The following L3MBTL4 variants were observed in gnomAD, a reference collection of about 807,000 sequenced individuals.
L3MBTL4 encodes lethal(3)malignant brain tumor-like protein 4.
Under a neutral mutation model 84.5 loss-of-function variants are expected in L3MBTL4, and 70 were observed. The observed-to-expected ratio is 0.83, with a 90% CI of 0.68 to 1.01. The LOEUF (loss-of-function observed/expected upper bound fraction) is 1.01. Ranked by LOEUF, L3MBTL4 falls within the 50% of genes least tolerant of loss-of-function variation. The pLI is 0.00. For missense variants in L3MBTL4, 715 were observed against 754.8 expected (o/e 0.95, Z 0.62); for synonymous variants, 274 against 259.8 (o/e 1.05, Z -0.52).
chr18:6,327,206 C>T (rs2051771478), intron 1 of L3MBTL4, among the ~76,000 whole-genome samples: 1 of 152,148 alleles, frequency 6.6e-6, no homozygotes. Flanking sequence ...CTTGATGAAG[C>T]ACTTGGGAAT....
intron 12 of L3MBTL4, among the ~76,000 whole-genome samples, chr18:6,205,814 C>G (rs1295731534): frequency 6.6e-6 from 1 of 152,082 alleles, no homozygotes; most frequent in Non-Finnish European, 1.5e-5. Flanking sequence ...AGGATGTGAG[C>G]AAAAGAGACG....
chr18:6,109,593 T>C (rs557526520), intron 14 of L3MBTL4, among the ~76,000 whole-genome samples: 107 of 152,222 alleles, frequency 7.0e-4, no homozygotes, highest in African/African-American at 2.5e-3. Context: ...AAAATCCTTG[T>C]GAGAATCTGC....
intron 13 of L3MBTL4, among the ~76,000 whole-genome samples, chr18:6,158,614 T>C (rs990605285): frequency 6.6e-6 from 1 of 152,184 alleles, no homozygotes; most frequent in Non-Finnish European, 1.5e-5. Context: ...CATGCTGGCA[T>C]TGGAGTGGGC....
chr18:6,281,060 C>G lies in L3MBTL4; in HGVS notation c.128-17022G>C, dbSNP rs1239932762. On this transcript the variant is annotated intron_variant, in intron 4 of 18. Coordinates refer to ENST00000317931, the MANE Select transcript of L3MBTL4 (RefSeq NM_001330559.2). ...GAGGAAATTAATACAGAATGTACAT[C>G]AGGAATAATCACTGCTGATATTTAG... Among the ~76,000 whole-genome samples, 7 of 152,244 alleles carry G rather than the reference C, an allele frequency of 4.6e-5. No individual in the cohort carries two copies. In the East Asian group the frequency reaches 9.7e-4, roughly 21 times the overall value.
At chr18:6,295,491 T>A (rs966074289) in intron 4 of L3MBTL4, among the ~76,000 whole-genome samples, 3 of 151,782 alleles carry the variant, frequency 2.0e-5, no homozygotes, top group Admixed American at 6.6e-5. Context: ...TTTATAAGCA[T>A]CTTTATTCCC....
intron 16 of L3MBTL4, among the ~76,000 whole-genome samples, chr18:6,036,623 A>T (rs184594783): frequency 6.6e-6 from 1 of 152,106 alleles, no homozygotes; most frequent in East Asian, 1.9e-4. Context: ...ACATTTTCTT[A>T]TTGACTTATT....
chr18:5,999,464 C>T (rs1374312107), intron 16 of L3MBTL4, among the ~76,000 whole-genome samples: 1 of 152,200 alleles, frequency 6.6e-6, no homozygotes, highest in Non-Finnish European at 1.5e-5. Context: ...CCCTACCTTC[C>T]TCAGAGTGTG....
At chr18:6,196,987 A>C (rs534082834) in intron 12 of L3MBTL4, among the ~76,000 whole-genome samples, 3 of 152,380 alleles carry the variant, frequency 2.0e-5, no homozygotes, top group Admixed American at 2.0e-4. Flanking sequence ...AGTTCCATCC[A>C]AAAGGCAAGG....
chr18:6,208,551 AAAT>A (rs2045968689), intron 12 of L3MBTL4, among the ~76,000 whole-genome samples: 2 of 152,226 alleles, frequency 1.3e-5, no homozygotes, highest in Admixed American at 1.3e-4. Flanking sequence ...CCCACAGGGC[AAAT>A]ATTTATCAAA....
chr18:6,152,357 C>T (rs1484010165), intron 13 of L3MBTL4, among the ~76,000 whole-genome samples: 2 of 151,876 alleles, frequency 1.3e-5, no homozygotes, highest in Non-Finnish European at 2.9e-5. Context: ...TAACAGTGTA[C>T]AAGGGTTCTC....
At chr18:6,013,942 C>T (rs749284086) in intron 16 of L3MBTL4, among the ~76,000 whole-genome samples, 1 of 152,162 alleles carries the variant, frequency 6.6e-6, no homozygotes, top group Non-Finnish European at 1.5e-5. Flanking sequence ...AAAGTCACTC[C>T]GTTTTCTCAT....
chr18:6,403,714 ACTACCATTTGATC>A (rs1239915174), intron 1 of L3MBTL4, among the ~76,000 whole-genome samples: 1 of 152,232 alleles, frequency 6.6e-6, no homozygotes, highest in African/African-American at 2.4e-5. Flanking sequence ...AAACACTAAA[ACTACCATTTGATC>A]CAGCAATCCC....
chr18:6,281,785 A>G (rs2049331498), intron 4 of L3MBTL4, among the ~76,000 whole-genome samples: 2 of 152,238 alleles, frequency 1.3e-5, no homozygotes, highest in African/African-American at 4.8e-5. Flanking sequence ...AGACAACTAC[A>G]GGTAAATAGA....
At chr18:6,078,523 A>G (rs1474244945) in intron 16 of L3MBTL4, among the ~76,000 whole-genome samples, 1 of 152,082 alleles carries the variant, frequency 6.6e-6, no homozygotes, top group African/African-American at 2.4e-5. Flanking sequence ...GAAAAATGAA[A>G]TAAAATATTA....
chr18:6,235,571 C>T (rs553048187), intron 10 of L3MBTL4, among the ~76,000 whole-genome samples: 1 of 152,238 alleles, frequency 6.6e-6, no homozygotes, highest in Non-Finnish European at 1.5e-5. Context: ...GTGAAAGAAG[C>T]TAGATACAAA....
chr18:6,237,895 A>T, intron 10 of L3MBTL4, 69 bp downstream of exon 10: 1 of 1,200,080 alleles, frequency 8.3e-7, no homozygotes, highest in South Asian at 1.2e-5. Context: ...GTCTTCATAA[A>T]CAAAATAAAA....
chr18:6,367,575 G>A (rs946181195), intron 1 of L3MBTL4: 1 of 152,240 alleles, frequency 6.6e-6, no homozygotes, highest in African/African-American at 2.4e-5. Flanking sequence ...AAAAGCTGGG[G>A]TCAGGGCAAT....
In L3MBTL4 at chr18:5,969,396, ATCCACAG is replaced by A; in HGVS notation, c.1604_1610del (p.Thr535MetfsTer33). On this transcript the variant is annotated frameshift_variant, in exon 17 of 19. Transcript: ENST00000317931. LOFTEE classifies it high-confidence loss of function. Reference sequence around the variant, plus strand: ...GCCCCCCAGCAGCTCCACTCACCTCATCCACAGTCCAACGTGCCACTTGGCTGGCCCG... The same window carrying A: ...GCCCCCCAGCAGCTCCACTCACCTCATCCAACGTGCCACTTGGCTGGCCCG... The A allele has an allele frequency of 6.2e-7, 1 of 1,613,804 alleles. No individual in the cohort carries two copies. Among genetic ancestry groups the A allele is most frequent in the South Asian group, 1.1e-5 (1 of 91,074 alleles).
At chr18:6,149,722 C>T (rs1292989846) in intron 13 of L3MBTL4, among the ~76,000 whole-genome samples, 1 of 152,128 alleles carries the variant, frequency 6.6e-6, no homozygotes, top group Non-Finnish European at 1.5e-5. Flanking sequence ...CTTTATTTTG[C>T]CCTAAACCTC....
Sources: allele counts gnomAD v4.1 joint callset (sites outside exome capture counted in the v4.1 genomes callset), GRCh38; gene constraint gnomAD v4.1.1; transcripts MANE v1.5; gene names NCBI Gene and HGNC (gene_info 2026-07-23, HGNC 2026-07-21).